Variants in PKP4 observed in about 807,000 individuals in gnomAD.
PKP4 encodes the protein plakophilin 4, also known as plakophilin-4.
Under a neutral mutation model 145.1 loss-of-function variants are expected in PKP4, and 90 were observed. That is an observed-to-expected ratio of 0.62 (90% CI 0.52 to 0.74). The LOEUF is 0.74. Among genes scored for constraint, PKP4 ranks in the 30% least tolerant of loss-of-function variants. The probability of loss-of-function intolerance (pLI) is 0.00; values close to 1 mark genes in which losing one functional copy is unlikely to be tolerated. For missense variants in PKP4, 1,340 were observed against 1,482.7 expected, an observed-to-expected ratio of 0.90 and a Z score of 1.58; for synonymous variants, 563 against 577.2, an observed-to-expected ratio of 0.98 and a Z score of 0.35.
At chr2:158,558,437 T>G (rs1453955865) in intron 2 of PKP4, among the ~76,000 whole-genome samples, 1 of 151,950 alleles carries the variant, frequency 6.6e-6, no homozygotes, top group Non-Finnish European at 1.5e-5. Context: ...GAAGGTGATA[T>G]CTGTGAAGCC....
chr2:158,620,936 C>G, intron 4 of PKP4, 54 bp from the exon 5 acceptor site: 5 of 1,513,774 alleles, frequency 3.3e-6, no homozygotes, highest in South Asian at 1.1e-5. Flanking sequence ...CCTTTTTTAG[C>G]AAGTTTTTAT....
chr2:158,510,894 G>A (rs868017748), intron 1 of PKP4, among the ~76,000 whole-genome samples: 2 of 152,354 alleles, frequency 1.3e-5, no homozygotes, highest in East Asian at 3.9e-4. Flanking sequence ...GATTTTGCCC[G>A]AGATTTCTTT....
chr2:158,594,383 A>G (rs2049538241), intron 3 of PKP4, among the ~76,000 whole-genome samples: 1 of 152,210 alleles, frequency 6.6e-6, no homozygotes, highest in Non-Finnish European at 1.5e-5. Context: ...TGCTTAGTTC[A>G]AACTATAGGC....
intron 1 of PKP4, among the ~76,000 whole-genome samples, chr2:158,490,926 C>T (rs1247681120): frequency 2.6e-5 from 4 of 152,222 alleles, no homozygotes; most frequent in Admixed American, 6.5e-5. Flanking sequence ...TCTACATCTA[C>T]CTCCCACGGC....
chr2:158,494,639 C>T (rs1196509668), intron 1 of PKP4, among the ~76,000 whole-genome samples: 1 of 152,138 alleles, frequency 6.6e-6, no homozygotes, highest in Non-Finnish European at 1.5e-5. Context: ...TTTCAAAGTA[C>T]TAAATATCCC....
intron 1 of PKP4, among the ~76,000 whole-genome samples, chr2:158,531,284 C>T (rs2043521074): frequency 6.6e-6 from 1 of 151,966 alleles, no homozygotes; most frequent in Non-Finnish European, 1.5e-5. Context: ...TGAATTTTTC[C>T]TTCTTTTTCT....
In PKP4 at chr2:158,625,173, A is replaced by C; in HGVS notation, c.899A>C (p.Asn300Thr). The change falls in exon 7 of 22, where the codon AAC (asparagine) becomes ACC (threonine). Residue 300 changes from asparagine to threonine, a missense_variant. Asn to Thr is a moderately conservative substitution (Grantham distance 65). Transcript: ENST00000389759. Reference protein sequence around the residue: ...SVTSRQTSNPNGPTPQYQTTA... With the variant: ...SVTSRQTSNPTGPTPQYQTTA... ...ACCTCCCGGCAGACCTCCAATCCCA[A>C]CGGACCAACCCCTCAATACCAAACC... 6.2e-7 allele frequency: 1 copy of C among 1,614,150 alleles called. No homozygotes were observed. The highest frequency in any genetic ancestry group is 8.5e-7 in the Non-Finnish European group (1 of 1,180,016).
At chr2:158,482,238 T>G (rs1414979293) in intron 1 of PKP4, among the ~76,000 whole-genome samples, 1 of 152,200 alleles carries the variant, frequency 6.6e-6, no homozygotes, top group African/African-American at 2.4e-5. Context: ...GGAAGTTCAG[T>G]CAAGTAGTGC....
At chr2:158,674,292 G>T (rs1451210571) in intron 19 of PKP4, among the ~76,000 whole-genome samples, 1 of 152,344 alleles carries the variant, frequency 6.6e-6, no homozygotes, top group African/African-American at 2.4e-5. Flanking sequence ...GACTGGACAG[G>T]GGATCGGGGT....
chr2:158,528,572 C>T (rs192714215), intron 1 of PKP4, among the ~76,000 whole-genome samples: 3,698 of 123,824 alleles, frequency 0.03, 140 homozygotes, highest in East Asian at 0.14. Flanking sequence ...ACCAGCATGG[C>T]ACATGTATAC....
At chr2:158,615,405 GT>G (rs2051507782) in intron 4 of PKP4, among the ~76,000 whole-genome samples, 1 of 151,780 alleles carries the variant, frequency 6.6e-6, no homozygotes, top group Non-Finnish European at 1.5e-5. Context: ...TTTATGTCTT[GT>G]TCATTTCATT....
intron 4 of PKP4, among the ~76,000 whole-genome samples, chr2:158,618,497 T>C (rs1364527316): frequency 1.3e-5 from 2 of 152,220 alleles, no homozygotes; most frequent in Non-Finnish European, 2.9e-5. Flanking sequence ...CATATTACTT[T>C]TGGAATAATT....
intron 4 of PKP4, among the ~76,000 whole-genome samples, chr2:158,618,458 G>A (rs1023933955): frequency 6.6e-6 from 1 of 152,010 alleles, no homozygotes; most frequent in Non-Finnish European, 1.5e-5. Context: ...TGAAACACAG[G>A]TCATAATATT....
In PKP4 at chr2:158,680,414, TC is replaced by T. The variant is rs778477506; in HGVS notation, c.3331-14del. 4.5e-6 allele frequency: 7 copies of T among 1,560,908 alleles called. No individual in the cohort carries two copies. In the East Asian group the frequency reaches 1.6e-4, roughly 35 times the overall value. On this transcript the variant is annotated splice_polypyrimidine_tract_variant and intron_variant, in intron 21 of 21. Transcript: ENST00000389759. ...AAATTGCTTTTATTTATTTGCCTTT[TC>T]ATTTTGTCAACAGCATCAACAGCTG...
At chr2:158,593,758 G>A (rs1410556116) in intron 3 of PKP4, among the ~76,000 whole-genome samples, 1 of 152,124 alleles carries the variant, frequency 6.6e-6, no homozygotes, top group African/African-American at 2.4e-5. Flanking sequence ...TTAGACAGCT[G>A]TTATAGGGAT....
intron 1 of PKP4, among the ~76,000 whole-genome samples, chr2:158,464,772 T>G (rs981349863): frequency 1.3e-5 from 2 of 152,208 alleles, no homozygotes; most frequent in African/African-American, 4.8e-5. Context: ...GTACCCTGAG[T>G]TGAGTGGGAA....
At chr2:158,674,641 T>C (rs1179693648) in intron 19 of PKP4, among the ~76,000 whole-genome samples, 1 of 152,234 alleles carries the variant, frequency 6.6e-6, no homozygotes. Flanking sequence ...TACTTCTTTG[T>C]AATGTTTAAC....
chr2:158,611,254 T>C (rs1409631682), intron 4 of PKP4, among the ~76,000 whole-genome samples: 3 of 152,238 alleles, frequency 2.0e-5, no homozygotes, highest in Non-Finnish European at 4.4e-5. Flanking sequence ...CATTCATTTA[T>C]TGTATAACAG....
At chr2:158,554,519 A>G (rs1309153390) in intron 2 of PKP4, among the ~76,000 whole-genome samples, 2 of 150,680 alleles carry the variant, frequency 1.3e-5, no homozygotes, top group Non-Finnish European at 2.9e-5. Context: ...TCCGCCTTCC[A>G]GGTTCACACC....
Sources: gnomAD v4.1 joint callset for allele counts (sites outside exome capture counted in the v4.1 genomes callset) on GRCh38, gnomAD v4.1.1 for gene constraint, MANE v1.5 for transcripts, NCBI Gene and HGNC (gene_info 2026-07-23, HGNC 2026-07-21) for gene names.